TNKS2: variants seen among roughly 807,000 people sequenced by gnomAD.
TNKS2 encodes tankyrase 2.
In TNKS2, 72 loss-of-function variants were observed where a neutral mutation model predicts 137.6. The ratio of observed to expected loss-of-function variants is 0.52; its 90% confidence interval spans 0.43 to 0.64. The LOEUF (loss-of-function observed/expected upper bound fraction) is 0.64. Among genes scored for constraint, TNKS2 ranks in the 30% least tolerant of loss-of-function variants. TNKS2 has a pLI of 0.00. For synonymous variants in TNKS2, 516 were observed against 512.1 expected, an observed-to-expected ratio of 1.01 and a Z score of -0.10; for missense variants, 1,049 against 1,410.2, an observed-to-expected ratio of 0.74 and a Z score of 4.10.
At chr10:91,848,831 C>G (rs762350188) in intron 19 of TNKS2, among the ~76,000 whole-genome samples, 196 bp downstream of exon 19, 65 of 151,900 alleles carry the variant, frequency 4.3e-4, no homozygotes, top group Non-Finnish European at 7.9e-4. Flanking sequence ...TGCTACTAAC[C>G]TACTATTTAT....
At chr10:91,819,640 CAT>C (rs768598533) in intron 5 of TNKS2, 83 bp downstream of exon 5, 23 of 1,125,730 alleles carry the variant, frequency 2.0e-5, no homozygotes, top group African/African-American at 9.5e-5. Context: ...TAAATTGAAA[CAT>C]ATTTGAAGAG....
At chr10:91,850,933 C>A (rs1038252547) in intron 20 of TNKS2, among the ~76,000 whole-genome samples, 6 of 152,004 alleles carry the variant, frequency 3.9e-5, no homozygotes, top group Admixed American at 2.6e-4. Flanking sequence ...TCAGCAGGAA[C>A]CATTGAAAGA....
chr10:91,824,518 A>C (rs1221751335), intron 7 of TNKS2, among the ~76,000 whole-genome samples: 2 of 152,220 alleles, frequency 1.3e-5, no homozygotes, highest in Non-Finnish European at 2.9e-5. Flanking sequence ...TGTCAGATAG[A>C]TTCATAATTA....
chr10:91,837,741 T>C (rs1277423919), intron 13 of TNKS2, among the ~76,000 whole-genome samples: 1 of 152,208 alleles, frequency 6.6e-6, no homozygotes, highest in East Asian at 1.9e-4. Context: ...GCACCTGTAA[T>C]CCCAGGTACT....
chr10:91,862,576 A>C (rs1020364663), intron 26 of TNKS2, among the ~76,000 whole-genome samples: 2 of 152,140 alleles, frequency 1.3e-5, no homozygotes, highest in African/African-American at 4.8e-5. Flanking sequence ...CTTGTATTTA[A>C]CAGCCTGTCC....
rs1333140971 is a variant in TNKS2, at chr10:91,864,484, T to G, written c.*1485T>G. 7.9e-5 allele frequency: 12 copies of G among 152,484 alleles called. No individual in the cohort carries two copies. The highest frequency in any genetic ancestry group is 7.9e-4 in the Admixed American group (12 of 15,278). The allele number at this position is 152,484 out of a possible 1,614,324, so 9.4% of individuals were successfully genotyped here. A position where few individuals can be genotyped will look rare whatever the true frequency, so the allele number is the denominator to read the frequency against. On this transcript the variant is annotated 3_prime_UTR_variant, in exon 27 of 27. Coordinates refer to ENST00000371627, the MANE Select transcript of TNKS2 (RefSeq NM_025235.4). ...AATGAGGACATTCCCCATCACTGTC[T>G]GTACCAGTTCACCTTTATTTTACGT... is the stretch of plus-strand genomic sequence containing the variant.
intron 15 of TNKS2, 44 bp from the exon 16 acceptor site, chr10:91,842,128 A>C (rs769691689): frequency 7.0e-7 from 1 of 1,428,102 alleles, no homozygotes; most frequent in Non-Finnish European, 9.8e-7. Flanking sequence ...CCAAAGGCAC[A>C]TTTAAGCCAT....
At position 91,819,996 on chromosome 10, in the gene TNKS2, C is replaced by G; in HGVS notation, c.691C>G (p.Leu231Val). 1 of 1,593,744 alleles carries G rather than the reference C, an allele frequency of 6.3e-7. No individual in the cohort carries two copies. The highest frequency in any genetic ancestry group is 8.5e-7 in the Non-Finnish European group (1 of 1,170,332). The change falls in exon 6 of 27, where the codon CTG (leucine) becomes GTG (valine). Residue 231 changes from leucine (L) to valine (V), a missense_variant. By Grantham distance (32) the Leu-to-Val change is conservative. This residue lies in a region of TNKS2 where 374 missense variants were observed against 460.8 expected (regional missense o/e 0.81). Coordinates refer to ENST00000371627, the MANE Select transcript of TNKS2 (RefSeq NM_025235.4). ...YNRVKIVQLL[L>V]QHGADVHAKD... ...CAGAGTAAAGATTGTACAGCTGTTA[C>G]TGCAACATGGAGCTGATGTCCATGC...
Position 91,827,018 on chromosome 10 carries a change from A to ATGG in TNKS2, c.800_802dup (p.Gly267dup). ...AAATATATGCTTTTTGCTCTCCAGC[A>ATGG]TGGTGCCTGTGTAAATGCAATGGAC... On this transcript the variant is annotated inframe_insertion and splice_region_variant, in exon 8 of 27. Coordinates refer to ENST00000371627, the MANE Select transcript of TNKS2 (RefSeq NM_025235.4). The ATGG allele has an allele frequency of 6.4e-7, 1 of 1,561,974 alleles. No homozygotes were observed. The highest frequency in any genetic ancestry group is 8.7e-7 in the Non-Finnish European group (1 of 1,154,162).
chr10:91,808,810 G>C (rs1394424759), intron 1 of TNKS2, among the ~76,000 whole-genome samples: 1 of 152,204 alleles, frequency 6.6e-6, no homozygotes, highest in African/African-American at 2.4e-5. Flanking sequence ...AGAGAACTGA[G>C]TCTTGAGGAA....
Position 91,863,131 on chromosome 10 carries a change from C to A in TNKS2, c.*132C>A. Reference sequence around the variant, plus strand: ...TGTGGCAAAAGGATAAAAATGTGAACGAAGTTTAACATTCTGACTTGATAA... The same window carrying A: ...TGTGGCAAAAGGATAAAAATGTGAAAGAAGTTTAACATTCTGACTTGATAA... On this transcript the variant is annotated 3_prime_UTR_variant, in exon 27 of 27. Coordinates refer to ENST00000371627, the MANE Select transcript of TNKS2 (RefSeq NM_025235.4). 2 of 587,280 alleles carry A rather than the reference C, an allele frequency of 3.4e-6. No individual in the cohort carries two copies. The highest frequency in any genetic ancestry group is 6.0e-6 in the Non-Finnish European group (2 of 332,994). 36.4% of individuals were successfully genotyped at this position (587,280 alleles called of 1,614,324 possible).
At chr10:91,807,770 G>A (rs902590824) in intron 1 of TNKS2, among the ~76,000 whole-genome samples, 9 of 152,110 alleles carry the variant, frequency 5.9e-5, no homozygotes, top group African/African-American at 2.2e-4. Context: ...CGAGGCGAGC[G>A]GCTCACGAGG....
intron 6 of TNKS2, 79 bp downstream of exon 6, chr10:91,820,112 A>T: frequency 1.0e-6 from 1 of 965,312 alleles, no homozygotes; most frequent in Non-Finnish European, 1.5e-6. Flanking sequence ...TAGAAAAATA[A>T]TATTTTTTAC....
intron 12 of TNKS2, among the ~76,000 whole-genome samples, chr10:91,834,789 C>T (rs1245572748): frequency 6.6e-6 from 1 of 152,208 alleles, no homozygotes; most frequent in Non-Finnish European, 1.5e-5. Flanking sequence ...CCATACATCA[C>T]ACATTCATTT....
At chr10:91,821,103 T>C (rs183464535) in intron 6 of TNKS2, among the ~76,000 whole-genome samples, 82 of 152,270 alleles carry the variant, frequency 5.4e-4, no homozygotes, top group African/African-American at 1.9e-3. Flanking sequence ...AGTGGCGCGA[T>C]CGTGGTTCAC....
chr10:91,840,676 A>G lies in TNKS2; in HGVS notation c.1643A>G (p.His548Arg), dbSNP rs764051162. Residue 548 changes from histidine (H) to arginine (R), a missense_variant, in exon 14 of 27, where the codon CAT becomes CGT. Physicochemically the swap from His to Arg is conservative, Grantham distance 29. Transcript: ENST00000371627. Reference protein sequence around the residue: ...RVSVVEYLLQHGADVHAKDKG... With the variant: ...RVSVVEYLLQRGADVHAKDKG... The stretch of plus-strand genomic sequence containing the variant: ...TCCGTGGTGGAATATCTGCTACAGC[A>G]TGGAGCTGATGTGCATGCTAAAGAT... The G allele has an allele frequency of 3.7e-6, 6 of 1,613,960 alleles. No homozygotes were observed. Among genetic ancestry groups the G allele is most frequent in the Non-Finnish European group, 8.5e-7 (1 of 1,179,938 alleles).
rs542723523 is a variant in TNKS2 at position 91,858,934 on chromosome 10, G to A, written c.3095-528G>A. Among the ~76,000 whole-genome samples, 12 of 152,170 alleles carry A rather than the reference G, an allele frequency of 7.9e-5. 1 individual carries two copies. The highest frequency in any genetic ancestry group is 6.5e-5 in the Admixed American group (1 of 15,280). On this transcript the variant is annotated intron_variant, in intron 24 of 26. Transcript: ENST00000371627. ...TGAGACAGGAGAATTGCTTGAACCC[G>A]GGAGGCAGAGGTTGCAGTGAGCCAA...
intron 16 of TNKS2, among the ~76,000 whole-genome samples, chr10:91,844,462 G>C (rs548781125): frequency 2.7e-4 from 41 of 152,090 alleles, no homozygotes; most frequent in Non-Finnish European, 5.3e-4. Context: ...TGGCCTTCTG[G>C]GGAAGAGGAC....
rs1842900410 is a variant in TNKS2 at position 91,863,291 on chromosome 10, A to T, written c.*292A>T. On this transcript the variant is annotated 3_prime_UTR_variant, in exon 27 of 27. Coordinates refer to ENST00000371627, the MANE Select transcript of TNKS2 (RefSeq NM_025235.4). The stretch of plus-strand genomic sequence containing the variant: ...AACTTGAACCTTTTATATGTTATGC[A>T]TTGATTCTAACAAACTGTAATGCCC... 3 of 254,682 alleles carry T rather than the reference A, an allele frequency of 1.2e-5. No homozygotes were observed. The highest frequency in any genetic ancestry group is 1.5e-5 in the Non-Finnish European group (2 of 133,210). The allele number at this position is 254,682 out of a possible 1,614,324, so 15.8% of individuals were successfully genotyped here.
Sources: allele counts gnomAD v4.1 joint callset (sites outside exome capture counted in the v4.1 genomes callset), GRCh38; gene constraint gnomAD v4.1.1; regional missense constraint gnomAD v4.1.1; transcripts MANE v1.5; gene names NCBI Gene and HGNC (gene_info 2026-07-23, HGNC 2026-07-21).